Variants in PTPRD observed in about 807,000 individuals in gnomAD.
The protein encoded by PTPRD is protein tyrosine phosphatase receptor type D.
PTPRD carries 34 observed loss-of-function variants against 214.5 expected under a neutral mutation model. The ratio of observed to expected loss-of-function variants is 0.16; its 90% CI spans 0.12 to 0.21. PTPRD has a LOEUF of 0.21. Among genes scored for constraint, PTPRD ranks in the 10% least tolerant of loss-of-function variants. The pLI, the probability that PTPRD is intolerant of heterozygous loss-of-function variation, is 1.00. For synonymous variants in PTPRD, 1,128 were observed against 845.7 expected, an observed-to-expected ratio of 1.33 and a Z score of -5.79; for missense variants, 2,545 against 2,398.7, an observed-to-expected ratio of 1.06 and a Z score of -1.27.
chr9:8,935,571 G>C (rs181840656), intron 11 of PTPRD, among the ~76,000 whole-genome samples: 1 of 152,056 alleles, frequency 6.6e-6, no homozygotes, highest in South Asian at 2.1e-4. Flanking sequence ...AATAGATCCC[G>C]AGGAAGCCTA....
At chr9:8,512,307 A>T (rs916128627) in intron 21 of PTPRD, among the ~76,000 whole-genome samples, 1 of 152,106 alleles carries the variant, frequency 6.6e-6, no homozygotes, top group African/African-American at 2.4e-5. Flanking sequence ...ATACACAAGC[A>T]TCAGCACAAA....
At chr9:9,904,923 C>T (rs1004539546) in intron 5 of PTPRD, among the ~76,000 whole-genome samples, 1 of 151,970 alleles carries the variant, frequency 6.6e-6, no homozygotes. Flanking sequence ...TTTAATCTGT[C>T]CCATATTGTT....
chr9:8,657,205 C>T (rs1231916764), intron 12 of PTPRD, among the ~76,000 whole-genome samples: 3 of 136,634 alleles, frequency 2.2e-5, no homozygotes, highest in African/African-American at 8.2e-5. Flanking sequence ...TTCACTCTTG[C>T]TGCCCAGGCT....
At chr9:9,638,532 G>A (rs2095843161) in intron 7 of PTPRD, among the ~76,000 whole-genome samples, 2 of 152,106 alleles carry the variant, frequency 1.3e-5, no homozygotes, top group South Asian at 2.1e-4. Context: ...AAGACTGAGG[G>A]TTTTCCTATA....
At chr9:9,566,222 T>C (rs2154296528) in intron 8 of PTPRD, among the ~76,000 whole-genome samples, 1 of 152,166 alleles carries the variant, frequency 6.6e-6, no homozygotes, top group Middle Eastern at 3.4e-3. Context: ...AAGACTGTTA[T>C]TATCTACTTA....
rs569341284 is a variant in PTPRD, at chr9:8,398,988, G to A, written c.4210+5549C>T. On this transcript the variant is annotated intron_variant, in intron 36 of 45. Coordinates refer to ENST00000381196, the MANE Select transcript of PTPRD (RefSeq NM_002839.4). ...GTTAAAGAATGCATATTACATACTA[G>A]GTTTATTCTTCATCACTTCTAACCC... 2.6e-5 allele frequency among the ~76,000 whole-genome samples: 4 copies of A among 151,844 alleles called. No individual in the cohort carries two copies. In the East Asian group the frequency reaches 7.7e-4, roughly 29 times the overall value.
intron 9 of PTPRD, among the ~76,000 whole-genome samples, chr9:9,326,775 GA>G (rs546582198): frequency 4.0e-5 from 6 of 150,950 alleles, no homozygotes; most frequent in South Asian, 2.1e-4. Context: ...AGATAGAGGG[GA>G]AAAAAAAGGT....
chr9:10,449,003 A>G (rs1160125453), intron 2 of PTPRD, among the ~76,000 whole-genome samples: 25 of 152,040 alleles, frequency 1.6e-4, no homozygotes, highest in Admixed American at 1.6e-3. Context: ...ATATAATTTT[A>G]AATTGTACCC....
intron 3 of PTPRD, among the ~76,000 whole-genome samples, chr9:10,036,744 C>G (rs2154137544): frequency 6.6e-6 from 1 of 151,912 alleles, no homozygotes; most frequent in South Asian, 2.1e-4. Flanking sequence ...CCACCACACC[C>G]CACTAATTTT....
At chr9:9,929,070 G>A (rs920275144) in intron 5 of PTPRD, among the ~76,000 whole-genome samples, 1 of 152,072 alleles carries the variant, frequency 6.6e-6, no homozygotes, top group Admixed American at 6.6e-5. Flanking sequence ...AGATAATTGA[G>A]CCTAAGCAAT....
chr9:10,438,230 C>T (rs2098735292), intron 2 of PTPRD, among the ~76,000 whole-genome samples: 1 of 151,464 alleles, frequency 6.6e-6, no homozygotes, highest in South Asian at 2.1e-4. Flanking sequence ...CAGATAGTCT[C>T]CAACTTTATG....
At chr9:8,483,838 G>A (rs2096941782) in intron 30 of PTPRD, among the ~76,000 whole-genome samples, 1 of 152,130 alleles carries the variant, frequency 6.6e-6, no homozygotes, top group Non-Finnish European at 1.5e-5. Context: ...AAAAAGCTTT[G>A]TAGTAAGAAC....
chr9:9,882,990 C>T (rs1007952986), intron 5 of PTPRD, among the ~76,000 whole-genome samples: 11 of 152,098 alleles, frequency 7.2e-5, no homozygotes, highest in Non-Finnish European at 1.3e-4. Context: ...TATCCCTTTG[C>T]ATTCTGCCAT....
intron 5 of PTPRD, among the ~76,000 whole-genome samples, chr9:9,807,800 G>T (rs778013569): frequency 1.3e-5 from 2 of 152,084 alleles, no homozygotes; most frequent in Non-Finnish European, 2.9e-5. Flanking sequence ...AACATCATTA[G>T]GGAACTGCTA....
intron 12 of PTPRD, among the ~76,000 whole-genome samples, chr9:8,682,948 T>G (rs2097578224): frequency 6.6e-6 from 1 of 152,122 alleles, no homozygotes; most frequent in Non-Finnish European, 1.5e-5. Flanking sequence ...CATTCAAGAC[T>G]ATGACTTGCA....
intron 12 of PTPRD, among the ~76,000 whole-genome samples, chr9:8,687,677 T>A (rs1360027893): frequency 2.0e-5 from 3 of 151,658 alleles, no homozygotes; most frequent in Non-Finnish European, 4.4e-5. Flanking sequence ...ATATGTGGAA[T>A]GGAAAAAAGG....
intron 3 of PTPRD, among the ~76,000 whole-genome samples, chr9:10,271,033 C>A (rs2094389604): frequency 1.3e-5 from 2 of 151,938 alleles, no homozygotes; most frequent in Non-Finnish European, 2.9e-5. Flanking sequence ...CTATGTTGCC[C>A]AGGTTGGTCT....
At chr9:9,507,770 G>A (rs963113488) in intron 8 of PTPRD, among the ~76,000 whole-genome samples, 1 of 151,354 alleles carries the variant, frequency 6.6e-6, no homozygotes, top group Non-Finnish European at 1.5e-5. Context: ...TGATCCAGAT[G>A]CAGATAAAAA....
chr9:9,825,307 GAAGAAAGAGA>G (rs1264588617), intron 5 of PTPRD, among the ~76,000 whole-genome samples: 2 of 150,234 alleles, frequency 1.3e-5, no homozygotes, highest in Non-Finnish European at 1.5e-5. Flanking sequence ...TGGCAGGTAG[GAAGAAAGAGA>G]AAGAAAGAGA....
Sources: allele counts gnomAD v4.1 joint callset (sites outside exome capture counted in the v4.1 genomes callset), GRCh38; gene constraint gnomAD v4.1.1; transcripts MANE v1.5; gene names NCBI Gene and HGNC (gene_info 2026-07-23, HGNC 2026-07-21).